The following SCAF8 variants were observed in gnomAD, a reference collection of about 807,000 sequenced individuals.
SCAF8 encodes the protein SR-related and CTD-associated factor 8.
Under a neutral mutation model 140.5 loss-of-function variants are expected in SCAF8, and 23 were observed. That is an observed-to-expected ratio of 0.16 (90% confidence interval 0.12 to 0.23). SCAF8 has a LOEUF of 0.23. SCAF8 is among the 10% of genes least tolerant of loss of function. The pLI is 1.00. For missense variants in SCAF8, 1,397 were observed against 1,555.7 expected (o/e 0.90, Z 1.72); for synonymous variants, 575 against 528.9 (o/e 1.09, Z -1.20).
intron 3 of SCAF8, among the ~76,000 whole-genome samples, chr6:154,782,981 A>C (rs557888677): frequency 2.0e-5 from 3 of 152,274 alleles, no homozygotes; most frequent in African/African-American, 7.2e-5. Context: ...CAATCCAGTC[A>C]AGTTGACACT....
At chr6:154,803,999 A>G (rs558700705) in intron 8 of SCAF8, among the ~76,000 whole-genome samples, 1 of 152,214 alleles carries the variant, frequency 6.6e-6, no homozygotes, top group African/African-American at 2.4e-5. Flanking sequence ...GTGGAAACAC[A>G]TCAACCTAAT....
At chr6:154,766,899 A>G (rs1412947657) in intron 1 of SCAF8, among the ~76,000 whole-genome samples, 2 of 152,084 alleles carry the variant, frequency 1.3e-5, no homozygotes, top group African/African-American at 4.8e-5. Flanking sequence ...CACAGCATTG[A>G]CAATCCTTTT....
intron 3 of SCAF8, among the ~76,000 whole-genome samples, chr6:154,781,895 T>C (rs1777096444): frequency 6.6e-6 from 1 of 152,154 alleles, no homozygotes; most frequent in African/African-American, 2.4e-5. Context: ...ATACCATAAA[T>C]TGTGTGAGGG....
rs192097135 is a variant in SCAF8 at position 154,770,339 on chromosome 6, C to T, written c.31-3650C>T. 7.9e-5 allele frequency among the ~76,000 whole-genome samples: 12 copies of T among 151,716 alleles called. No homozygotes were observed. In the East Asian group the frequency reaches 2.3e-3, roughly 30 times the overall value. On this transcript the variant is annotated intron_variant, in intron 1 of 19. Coordinates refer to ENST00000367178, the MANE Select transcript of SCAF8 (RefSeq NM_014892.5). The stretch of plus-strand genomic sequence containing the variant: ...ACACGTTGAGTATGGTGATCTGTGC[C>T]TGTAGTGCCAGCTACTTGAGAGGTT...
intron 18 of SCAF8, among the ~76,000 whole-genome samples, chr6:154,828,697 A>G (rs1440760772): frequency 7.2e-5 from 11 of 152,076 alleles, no homozygotes; most frequent in South Asian, 2.1e-4. Flanking sequence ...GGGGTATGGT[A>G]TCTAGAGAAC....
At chr6:154,735,262 A>G (rs1160412538) in intron 1 of SCAF8, among the ~76,000 whole-genome samples, 1 of 152,156 alleles carries the variant, frequency 6.6e-6, no homozygotes, top group African/African-American at 2.4e-5. Context: ...TACCTCTTAA[A>G]ATACGAGGCT....
intron 6 of SCAF8, among the ~76,000 whole-genome samples, chr6:154,797,759 G>T (rs1395341709): frequency 2.0e-5 from 3 of 151,422 alleles, no homozygotes; most frequent in African/African-American, 7.3e-5. Flanking sequence ...ATTATGCATA[G>T]AATAAAATCC....
At chr6:154,772,781 G>C (rs1243752778) in intron 1 of SCAF8, among the ~76,000 whole-genome samples, 1 of 152,024 alleles carries the variant, frequency 6.6e-6, no homozygotes, top group East Asian at 1.9e-4. Flanking sequence ...TTTTGAGACA[G>C]AGTCTCCCTC....
chr6:154,806,480 G>T (rs1777918274), intron 9 of SCAF8, among the ~76,000 whole-genome samples: 1 of 152,110 alleles, frequency 6.6e-6, no homozygotes, highest in African/African-American at 2.4e-5. Context: ...ATACAGAGAT[G>T]AACAGAAATG....
intron 1 of SCAF8, among the ~76,000 whole-genome samples, chr6:154,746,575 T>C (rs1415000349): frequency 6.6e-6 from 1 of 152,238 alleles, no homozygotes; most frequent in Non-Finnish European, 1.5e-5. Context: ...GCTTTTGTTA[T>C]CTACAATATA....
Position 154,832,457 on chromosome 6 carries a change from T to G in SCAF8, c.2878T>G (p.Ser960Ala), listed in dbSNP as rs1778775021. The change falls in exon 20 of 20, where the codon TCA (serine) becomes GCA (alanine). Residue 960 changes from serine to alanine, a missense_variant. Transcript: ENST00000367178. ...RGIPPPSVLD[S>A]ALHPPPRGPF... is the part of the protein sequence containing the mutation. ...AATCCCACCCCCATCGGTACTTGAT[T>G]CAGCTCTTCATCCACCACCCCGTGG... 1 of 1,613,982 alleles carries G rather than the reference T, an allele frequency of 6.2e-7. No homozygotes were observed. The highest frequency in any genetic ancestry group is 8.5e-7 in the Non-Finnish European group (1 of 1,179,984).
intron 18 of SCAF8, among the ~76,000 whole-genome samples, chr6:154,829,207 A>G (rs904945279): frequency 1.5e-4 from 22 of 151,612 alleles, no homozygotes; most frequent in Admixed American, 1.1e-3. Context: ...TTTTCTTTGT[A>G]GATGTGGTGC....
chr6:154,832,024 C>G lies in SCAF8; in HGVS notation c.2445C>G (p.Val815=), dbSNP rs886898354. Residue 815 remains valine (V), a synonymous_variant, in exon 20 of 20, where the codon GTC becomes GTG. Transcript: ENST00000367178. The part of the protein sequence containing the change: ...NVTSNSGILG[V]QRPNVSSNSE... ...CAAGCAATTCTGGAATTCTGGGAGT[C>G]CAAAGACCAAATGTATCAAGTAATT... is the stretch of plus-strand genomic sequence containing the variant. 1 of 1,613,688 alleles carries G rather than the reference C, an allele frequency of 6.2e-7. No homozygotes were observed. The highest frequency in any genetic ancestry group is 1.3e-5 in the African/African-American group (1 of 74,812).
rs137868185 is a variant in SCAF8 at position 154,818,778 on chromosome 6, G to A, written c.1635+186G>A. 1.7e-3 allele frequency among the ~76,000 whole-genome samples: 257 copies of A among 152,182 alleles called. 1 individual carries two copies. Among genetic ancestry groups the A allele is most frequent in the Middle Eastern group, 0.01 (3 of 294 alleles). On this transcript the variant is annotated intron_variant, in intron 14 of 19. Transcript: ENST00000367178. Reference sequence around the variant, plus strand: ...CATCAGAAACTTATTGTTTCAGTTCGTTGAGTTATAGAATTAGATGTAGGT... The same window carrying A: ...CATCAGAAACTTATTGTTTCAGTTCATTGAGTTATAGAATTAGATGTAGGT...
In SCAF8 at chr6:154,832,510, T is replaced by A; in HGVS notation, c.2931T>A (p.Ser977Arg). 3 of 1,613,840 alleles carry A rather than the reference T, an allele frequency of 1.9e-6. No homozygotes were observed. Among genetic ancestry groups the A allele is most frequent in the Non-Finnish European group, 2.5e-6 (3 of 1,179,932 alleles). ...CTTTTCCTCCAGGAGATATTTTTAG[T>A]CAACCAGAAAGACCTTTTTTAGCTC... ...RGPFPPGDIFSQPERPFLAPG... is the reference protein window; with the variant it reads ...RGPFPPGDIFRQPERPFLAPG... Residue 977 changes from serine to arginine, a missense_variant, in exon 20 of 20, where the codon AGT becomes AGA. Ser to Arg is a moderately radical substitution (Grantham distance 110). Coordinates refer to ENST00000367178, the MANE Select transcript of SCAF8 (RefSeq NM_014892.5).
Position 154,815,831 on chromosome 6 carries a change from TTAA to T in SCAF8, c.1521+20_1521+22del. The T allele has an allele frequency of 6.6e-7, 1 of 1,514,528 alleles. No individual in the cohort carries two copies. The highest frequency in any genetic ancestry group is 1.7e-5 in the Admixed American group (1 of 59,586). The allele number at this position is 1,514,528 out of a possible 1,614,324, so 93.8% of individuals were successfully genotyped here. A position where few individuals can be genotyped will look rare whatever the true frequency, so the allele number is the denominator to read the frequency against. ...AATCCATTAATGCAAGTATCAGTTC[TTAA>T]TAATTTAAGGTTTTAAAAAAGGAGG... is the stretch of plus-strand genomic sequence containing the variant. On this transcript the variant is annotated intron_variant, in intron 13 of 19. Transcript: ENST00000367178.
rs1338431782 is a variant in SCAF8 at position 154,801,988 on chromosome 6, A to T, written c.624A>T (p.Gln208His). Residue 208 changes from glutamine (Q) to histidine (H), a missense_variant, in exon 7 of 20, where the codon CAA (glutamine) becomes CAT (histidine). Gln to His is a conservative substitution (Grantham distance 24). This residue lies in a region of SCAF8 where 339 missense variants were observed against 407.5 expected (regional missense o/e 0.83). Coordinates refer to ENST00000367178, the MANE Select transcript of SCAF8 (RefSeq NM_014892.5). The stretch of plus-strand genomic sequence containing the variant: ...CTCTCCAGCTTCAACAATTAATACA[A>T]ACCTTACAGATACAACAACAGAAGC... The part of the protein sequence containing the change: ...PQGQQLQQLI[Q>H]TLQIQQQKPQ... The T allele has an allele frequency of 6.3e-7, 1 of 1,594,382 alleles. No homozygotes were observed.
chr6:154,756,075 A>T (rs117010854), intron 1 of SCAF8, among the ~76,000 whole-genome samples: 4,242 of 152,208 alleles, frequency 0.028, 90 homozygotes, highest in Non-Finnish European at 0.044. Flanking sequence ...TCACTTATAC[A>T]TCCCTCCCCC....
chr6:154,770,388 A>ACACTCTCTCTCTCTCTCTCT (rs1384942827), intron 1 of SCAF8, among the ~76,000 whole-genome samples: 4 of 141,998 alleles, frequency 2.8e-5, no homozygotes, highest in African/African-American at 1.0e-4. Flanking sequence ...ACACACACAC[A>ACACTCTCTCTCTCTCTCTCT]CTCTCTCTCT....
Sources: gnomAD v4.1 joint callset for allele counts (sites outside exome capture counted in the v4.1 genomes callset) on GRCh38, gnomAD v4.1.1 for gene constraint, gnomAD v4.1.1 regional missense constraint, MANE v1.5 for transcripts, NCBI Gene and HGNC (gene_info 2026-07-23, HGNC 2026-07-21) for gene names.